ANKH: variants seen among roughly 807,000 people sequenced by gnomAD.
ANKH encodes the protein ANKH inorganic pyrophosphate transport regulator, also known as mineralization regulator ANKH.
Under a neutral mutation model 49.0 loss-of-function variants are expected in ANKH, and 15 were observed. The observed-to-expected ratio is 0.31, with a 90% CI of 0.20 to 0.47. The LOEUF (loss-of-function observed/expected upper bound fraction) is 0.47. Among genes scored for constraint, ANKH ranks in the 20% least tolerant of loss-of-function variants. The pLI is 1.00. For missense variants in ANKH, 429 were observed against 652.0 expected (o/e 0.66, Z 3.72); for synonymous variants, 273 against 260.0 (o/e 1.05, Z -0.48).
intron 1 of ANKH, among the ~76,000 whole-genome samples, chr5:14,842,626 G>A (rs890072016): frequency 1.2e-4 from 18 of 152,174 alleles, no homozygotes; most frequent in Non-Finnish European, 2.6e-4. Context: ...AGACCACAGA[G>A]TATCAAAGCC....
At chr5:14,726,638 G>A (rs747644380) in intron 8 of ANKH, among the ~76,000 whole-genome samples, 7 of 152,222 alleles carry the variant, frequency 4.6e-5, no homozygotes, top group Non-Finnish European at 1.0e-4. Flanking sequence ...CCATGAGCTG[G>A]ATGGGGCCTC....
rs140047122 is a variant in ANKH, at chr5:14,824,951, G to A, written c.96+46401C>T. On this transcript the variant is annotated intron_variant, in intron 1 of 11. Transcript: ENST00000284268. ...AGTGGAAAATGCTTTGAGATCTAGAGGTAAAAGGCAAGAGATTATCACCTG... is the reference window on the plus strand; with the variant it reads ...AGTGGAAAATGCTTTGAGATCTAGAAGTAAAAGGCAAGAGATTATCACCTG... Among the ~76,000 whole-genome samples, 300 of 152,276 alleles carry A rather than the reference G, an allele frequency of 2.0e-3. 1 individual carries two copies. The highest frequency in any genetic ancestry group is 6.8e-3 in the African/African-American group (281 of 41,552).
chr5:14,816,910 T>C (rs1481899041), intron 1 of ANKH, among the ~76,000 whole-genome samples: 3 of 152,220 alleles, frequency 2.0e-5, no homozygotes, highest in Non-Finnish European at 4.4e-5. Flanking sequence ...GCTCGAGCTT[T>C]TACCTCGTTG....
intron 1 of ANKH, among the ~76,000 whole-genome samples, chr5:14,789,142 C>T (rs1439173359): frequency 1.3e-5 from 2 of 152,076 alleles, no homozygotes; most frequent in Non-Finnish European, 2.9e-5. Context: ...GCAGGAGAAT[C>T]GCTTGAACCT....
Position 14,713,705 on chromosome 5 carries a change from C to T in ANKH, c.1142-38G>A, listed in dbSNP as rs539829934. ...GCAAAGGACTCGTCAGCCGTGCCCG[C>T]CATCCACTCCCCATCCTGCTGCCTC... On this transcript the variant is annotated intron_variant, in intron 9 of 11. Transcript: ENST00000284268. This position sits in a 1 kb window ranked among gnomAD's most constrained non-coding sequence, Gnocchi z 4.4. 1.9e-6 allele frequency: 3 copies of T among 1,612,282 alleles called. No homozygotes were observed. Among genetic ancestry groups the T allele is most frequent in the East Asian group, 2.2e-5 (1 of 44,866 alleles).
chr5:14,754,012 C>T (rs1341393852), intron 4 of ANKH, among the ~76,000 whole-genome samples: 1 of 152,194 alleles, frequency 6.6e-6, no homozygotes, highest in Non-Finnish European at 1.5e-5. Context: ...TGAGAGGAAG[C>T]CTGAGGGTAA....
chr5:14,736,275 A>G (rs569186040), intron 8 of ANKH, among the ~76,000 whole-genome samples: 17 of 152,154 alleles, frequency 1.1e-4, no homozygotes, highest in Admixed American at 4.6e-4. Context: ...GGGCCCTGGC[A>G]CAGTCCCATG....
At chr5:14,779,072 T>C (rs1484974590) in intron 1 of ANKH, among the ~76,000 whole-genome samples, 2 of 152,208 alleles carry the variant, frequency 1.3e-5, no homozygotes, top group Admixed American at 1.3e-4. Flanking sequence ...ACTAAATTTC[T>C]TATTGCTTCT....
Position 14,708,895 on chromosome 5 carries a change from A to T in ANKH, c.*2302T>A, listed in dbSNP as rs978974254. On this transcript the variant is annotated 3_prime_UTR_variant, in exon 12 of 12. Transcript: ENST00000284268. ...TCCTTCCTGGATTTAGAGGGAAAGGATTTTTTTTTTTTTTGAGATGGAGTT... is the reference window on the plus strand; with the variant it reads ...TCCTTCCTGGATTTAGAGGGAAAGGTTTTTTTTTTTTTTTGAGATGGAGTT... 6.9e-6 allele frequency: 1 copy of T among 145,834 alleles called. No homozygotes were observed. The highest frequency in any genetic ancestry group is 1.5e-5 in the Non-Finnish European group (1 of 66,144). 9.0% of individuals were successfully genotyped at this position (145,834 alleles called of 1,614,324 possible).
chr5:14,820,772 G>T (rs530363632), intron 1 of ANKH, among the ~76,000 whole-genome samples: 1 of 152,200 alleles, frequency 6.6e-6, no homozygotes, highest in Non-Finnish European at 1.5e-5. Context: ...GTAAAGGAGA[G>T]AATTTTTGTC....
rs111433995 is a variant in ANKH, at chr5:14,823,792, C to T, written c.96+47560G>A. 2.1e-3 allele frequency among the ~76,000 whole-genome samples: 312 copies of T among 152,114 alleles called. 1 individual carries two copies. The highest frequency in any genetic ancestry group is 6.1e-3 in the African/African-American group (251 of 41,478). On this transcript the variant is annotated intron_variant, in intron 1 of 11. Transcript: ENST00000284268. ...AAATATAAAAATTAGCCAGGCATAG[C>T]GGCACATGCCTGTAATCTCAGCTGC...
intron 4 of ANKH, among the ~76,000 whole-genome samples, chr5:14,755,237 G>C (rs1738848486): frequency 6.6e-6 from 1 of 152,136 alleles, no homozygotes; most frequent in African/African-American, 2.4e-5. Context: ...CGCTATCCTT[G>C]GTAGAAGAAG....
chr5:14,756,065 C>T, intron 3 of ANKH, 121 bp from the exon 4 acceptor site: 1 of 829,630 alleles, frequency 1.2e-6, no homozygotes, highest in African/African-American at 1.7e-5. Context: ...CTTAGCAGCC[C>T]AGGTCTGATA....
chr5:14,785,876 T>G (rs1207978671), intron 1 of ANKH, among the ~76,000 whole-genome samples: 1 of 151,586 alleles, frequency 6.6e-6, no homozygotes. Flanking sequence ...AAACCCCATC[T>G]CTACTAAAAA....
intron 1 of ANKH, among the ~76,000 whole-genome samples, chr5:14,777,900 T>C (rs193133627): frequency 6.6e-6 from 1 of 152,292 alleles, no homozygotes. Flanking sequence ...GGTCCCCTAG[T>C]CTGATTCCTC....
In ANKH at chr5:14,776,774, T is replaced by C. The variant is rs1205238806; in HGVS notation, c.97-7583A>G. 2.6e-5 allele frequency among the ~76,000 whole-genome samples: 4 copies of C among 152,218 alleles called. No homozygotes were observed. The South Asian group carries it at 8.3e-4, about 31-fold the overall frequency. On this transcript the variant is annotated intron_variant, in intron 1 of 11. Coordinates refer to ENST00000284268, the MANE Select transcript of ANKH (RefSeq NM_054027.6). ...CCAAGACATTCACCAGGGCAGAGGT[T>C]CACTGTTTAAAGGCGAGTCTCTAAA...
At chr5:14,847,034 G>A (rs1404419026) in intron 1 of ANKH, among the ~76,000 whole-genome samples, 1 of 139,618 alleles carries the variant, frequency 7.2e-6, no homozygotes, top group East Asian at 2.1e-4. Context: ...AATGAAACTC[G>A]AGCTTTTGAT....
In ANKH at chr5:14,713,526, A is replaced by T; in HGVS notation, c.1265+18T>A. 6.2e-7 allele frequency: 1 copy of T among 1,613,892 alleles called. No homozygotes were observed. Among genetic ancestry groups the T allele is most frequent in the Non-Finnish European group, 8.5e-7 (1 of 1,179,900 alleles). On this transcript the variant is annotated intron_variant, in intron 10 of 11. Transcript: ENST00000284268. This position sits in a 1 kb window ranked among gnomAD's most constrained non-coding sequence, Gnocchi z 4.4. Reference sequence around the variant, plus strand: ...AGTGGCAGAAGGACCCACAGCCCCAAACTCCCTGACAACATACCCCAGGTA... The same window carrying T: ...AGTGGCAGAAGGACCCACAGCCCCATACTCCCTGACAACATACCCCAGGTA...
chr5:14,766,163 A>G (rs1739252455), intron 2 of ANKH, among the ~76,000 whole-genome samples: 1 of 151,972 alleles, frequency 6.6e-6, no homozygotes, highest in Non-Finnish European at 1.5e-5. Flanking sequence ...AGGCTCAGGT[A>G]GGCAGATCGC....
Sources: allele counts gnomAD v4.1 joint callset (sites outside exome capture counted in the v4.1 genomes callset), GRCh38; gene constraint gnomAD v4.1.1; non-coding constraint Gnocchi (gnomAD v3.1); transcripts MANE v1.5; gene names NCBI Gene and HGNC (gene_info 2026-07-23, HGNC 2026-07-21).